The following RASGEF1B variants were observed in gnomAD, a reference collection of about 807,000 sequenced individuals.
The protein encoded by RASGEF1B is ras-GEF domain-containing family member 1B.
Under a neutral mutation model 65.7 loss-of-function variants are expected in RASGEF1B, and 30 were observed. The ratio of observed to expected loss-of-function variants is 0.46; its 90% CI spans 0.34 to 0.62. The LOEUF is 0.62. RASGEF1B is among the 20% of genes least tolerant of loss of function. The pLI is 0.01. For synonymous variants in RASGEF1B, 175 were observed against 194.8 expected (o/e 0.90, Z 0.85); for missense variants, 495 against 580.1 (o/e 0.85, Z 1.51).
intron 4 of RASGEF1B, among the ~76,000 whole-genome samples, chr4:81,449,757 T>G (rs1313504995): frequency 6.6e-6 from 1 of 152,244 alleles, no homozygotes; most frequent in Admixed American, 6.5e-5. Flanking sequence ...AGTTTTTTTA[T>G]AGAGGCAATT....
rs533445509 is a variant in RASGEF1B, at chr4:81,471,823, A to G, written c.-60T>C. On this transcript the variant is annotated 5_prime_UTR_variant, in exon 1 of 14. Transcript: ENST00000264400. ...CCCGGCTGCGTGCCGCGCGCCCACA[A>G]ATGCGACCAAAGGACAGGGAGCTAA... The G allele has an allele frequency of 6.6e-3, 1,010 of 152,884 alleles. 8 individuals carry two copies. The highest frequency in any genetic ancestry group is 0.014 in the Middle Eastern group (4 of 294). 9.5% of individuals were successfully genotyped at this position (152,884 alleles called of 1,614,324 possible). A position where few individuals can be genotyped will look rare whatever the true frequency, so the allele number is the denominator to read the frequency against.
In RASGEF1B at chr4:81,432,305, G is replaced by C; in HGVS notation, c.1391C>G (p.Ser464Cys). 6.2e-7 allele frequency: 1 copy of C among 1,603,944 alleles called. No individual in the cohort carries two copies. Among genetic ancestry groups the C allele is most frequent in the Non-Finnish European group, 8.5e-7 (1 of 1,171,314 alleles). ...TGAGAAGAATGAGACCCACCTTAAA[G>C]ACTTCCATCTGTCTTTCTCTATATG... ...ENHIEKDRWKSLRSSLLGRV is the reference protein window; with the variant it reads ...ENHIEKDRWKCLRSSLLGRV Residue 464 changes from serine to cysteine, a missense_variant, in exon 13 of 14, where the codon TCT (serine) becomes TGT (cysteine). Ser to Cys is a moderately radical substitution (Grantham distance 112). Transcript: ENST00000264400.
chr4:81,466,310 A>G (rs1167883421), intron 1 of RASGEF1B, among the ~76,000 whole-genome samples: 2 of 152,272 alleles, frequency 1.3e-5, no homozygotes, highest in South Asian at 2.1e-4. Context: ...TCCAGCTGTT[A>G]TCTCAAGTAC....
At chr4:81,430,224 C>T (rs955722546) in intron 13 of RASGEF1B, among the ~76,000 whole-genome samples, 4 of 152,134 alleles carry the variant, frequency 2.6e-5, no homozygotes, top group Admixed American at 6.5e-5. Context: ...TGGCGTGAAC[C>T]CGGGAGGCGG....
chr4:81,443,677 T>C (rs1373361446), intron 8 of RASGEF1B, among the ~76,000 whole-genome samples: 4 of 152,274 alleles, frequency 2.6e-5, no homozygotes. Context: ...GCCATTCATT[T>C]GTAAATGGGC....
At chr4:81,457,043 G>T (rs1722471532) in intron 3 of RASGEF1B, among the ~76,000 whole-genome samples, 1 of 151,964 alleles carries the variant, frequency 6.6e-6, no homozygotes, top group Non-Finnish European at 1.5e-5. Context: ...TTTTGAGACA[G>T]AGTCTCACTC....
intron 13 of RASGEF1B, among the ~76,000 whole-genome samples, chr4:81,430,541 C>T (rs1429555190): frequency 6.6e-6 from 1 of 152,176 alleles, no homozygotes; most frequent in Non-Finnish European, 1.5e-5. Context: ...CTAGACACTG[C>T]CGTGGGGTCG....
At chr4:81,459,663 A>G (rs1196641232) in intron 1 of RASGEF1B, 149 bp from the exon 2 acceptor site, 2 of 620,310 alleles carry the variant, frequency 3.2e-6, no homozygotes, top group African/African-American at 3.7e-5. Context: ...ATCAGAGCCC[A>G]TCAGGAACCA....
Position 81,457,530 on chromosome 4 carries a change from T to C in RASGEF1B, c.269A>G (p.His90Arg), listed in dbSNP as rs781390919. Residue 90 changes from histidine to arginine, a missense_variant, in exon 3 of 14, where the codon CAC becomes CGC. Transcript: ENST00000264400. ...ACTATCAGGATCACTTAGTCTCTGGTGCTCAACACATAAGTGGCAAACTTT... is the reference window on the plus strand; with the variant it reads ...ACTATCAGGATCACTTAGTCTCTGGCGCTCAACACATAAGTGGCAAACTTT... ...MAKVCHLCVEHQRLSDPDSDK... is the reference protein window; with the variant it reads ...MAKVCHLCVERQRLSDPDSDK... The C allele has an allele frequency of 1.5e-5, 24 of 1,613,998 alleles. No individual in the cohort carries two copies. Among genetic ancestry groups the C allele is most frequent in the Non-Finnish European group, 2.0e-5 (24 of 1,179,996 alleles).
chr4:81,430,480 C>T (rs187361691), intron 13 of RASGEF1B, among the ~76,000 whole-genome samples: 106 of 152,284 alleles, frequency 7.0e-4, no homozygotes, highest in African/African-American at 2.4e-3. Flanking sequence ...AATAAGGGAG[C>T]GCCTTGTAAT....
intron 1 of RASGEF1B, 112 bp from the exon 2 acceptor site, chr4:81,459,626 A>G: frequency 3.7e-6 from 3 of 813,504 alleles, no homozygotes; most frequent in Non-Finnish European, 5.5e-6. Context: ...TAGGCAATTA[A>G]AATAGTAGTT....
intron 9 of RASGEF1B, 42 bp from the exon 10 acceptor site, chr4:81,440,971 G>A (rs772607017): frequency 1.2e-5 from 16 of 1,296,080 alleles, no homozygotes; most frequent in Middle Eastern, 1.8e-4. Flanking sequence ...TTTATTTATT[G>A]TAAACTTCTG....
chr4:81,443,800 T>G (rs754448275), intron 8 of RASGEF1B, among the ~76,000 whole-genome samples: 9 of 152,190 alleles, frequency 5.9e-5, no homozygotes, highest in Non-Finnish European at 1.3e-4. Context: ...GTGTGTGCAA[T>G]CTCTGCATTG....
chr4:81,453,668 G>A (rs921175227), intron 4 of RASGEF1B: 1 of 152,214 alleles, frequency 6.6e-6, no homozygotes, highest in Admixed American at 6.5e-5. Context: ...CATAATGGGA[G>A]GGGGTATGAT....
Position 81,427,713 on chromosome 4 carries a change from C to A in RASGEF1B, c.*55G>T. On this transcript the variant is annotated 3_prime_UTR_variant, in exon 14 of 14. Transcript: ENST00000264400. ...CGAGATGCCAGAAAACAAAGGCCAGCCCCTCCATGATCTGCAGGAAGCAGC... is the reference window on the plus strand; with the variant it reads ...CGAGATGCCAGAAAACAAAGGCCAGACCCTCCATGATCTGCAGGAAGCAGC... 1.2e-6 allele frequency: 2 copies of A among 1,608,332 alleles called. No homozygotes were observed. Among genetic ancestry groups the A allele is most frequent in the Non-Finnish European group, 8.5e-7 (1 of 1,176,930 alleles).
chr4:81,433,813 G>A lies in RASGEF1B; in HGVS notation c.1324+27C>T, dbSNP rs759494947. The stretch of plus-strand genomic sequence containing the variant: ...CTAAATGAAGGATTTGGGGATGCTA[G>A]TGGTAGCTCCTATTGAATGGCCTTA... On this transcript the variant is annotated intron_variant, in intron 12 of 13. Transcript: ENST00000264400. The A allele has an allele frequency of 2.6e-5, 42 of 1,608,464 alleles. 1 individual carries two copies. The highest frequency in any genetic ancestry group is 3.5e-5 in the Non-Finnish European group (41 of 1,177,688).
intron 10 of RASGEF1B, among the ~76,000 whole-genome samples, chr4:81,439,175 A>T (rs1721749886): frequency 6.6e-6 from 1 of 152,168 alleles, no homozygotes; most frequent in Non-Finnish European, 1.5e-5. Flanking sequence ...GTCTTCCATA[A>T]TTATGTAAAT....
intron 1 of RASGEF1B, among the ~76,000 whole-genome samples, chr4:81,465,237 T>C (rs1171612614): frequency 6.6e-6 from 1 of 152,078 alleles, no homozygotes; most frequent in Non-Finnish European, 1.5e-5. Flanking sequence ...CTGCAAAAAT[T>C]GAGGCAGCAC....
intron 1 of RASGEF1B, among the ~76,000 whole-genome samples, chr4:81,467,838 G>A (rs1230728957): frequency 6.6e-6 from 1 of 152,072 alleles, no homozygotes; most frequent in Non-Finnish European, 1.5e-5. Flanking sequence ...TTTCCTGGAA[G>A]AATAAAAATG....
Sources: allele counts gnomAD v4.1 joint callset (sites outside exome capture counted in the v4.1 genomes callset), GRCh38; gene constraint gnomAD v4.1.1; transcripts MANE v1.5; gene names NCBI Gene and HGNC (gene_info 2026-07-23, HGNC 2026-07-21).